ADAMTSL1: variants seen among roughly 807,000 people sequenced by gnomAD.
ADAMTSL1 encodes ADAMTS like 1.
ADAMTSL1 carries 126 observed loss-of-function variants against 201.8 expected under a neutral mutation model. The ratio of observed to expected loss-of-function variants is 0.62; its 90% confidence interval spans 0.54 to 0.72. The LOEUF (loss-of-function observed/expected upper bound fraction) is 0.72. ADAMTSL1 is among the 30% of genes least tolerant of loss of function. The pLI, the probability that ADAMTSL1 is intolerant of heterozygous loss-of-function variation, is 0.00. For missense variants in ADAMTSL1, 2,679 were observed against 2,277.8 expected (o/e 1.18, Z -3.59); for synonymous variants, 1,121 against 903.4 (o/e 1.24, Z -4.32).
At chr9:17,925,733 A>G (rs1308404575) in intron 1 of ADAMTSL1, among the ~76,000 whole-genome samples, 1 of 144,524 alleles carries the variant, frequency 6.9e-6, no homozygotes, top group Non-Finnish European at 1.5e-5. Context: ...GAGGGATAGC[A>G]TTGGGAGATA....
At chr9:18,145,046 C>T (rs1364697898) in intron 1 of ADAMTSL1, among the ~76,000 whole-genome samples, 1 of 152,076 alleles carries the variant, frequency 6.6e-6, no homozygotes, top group Non-Finnish European at 1.5e-5. Context: ...AGGAGATGGC[C>T]TCATTCTAGT....
chr9:17,942,332 A>T (rs931630718), intron 1 of ADAMTSL1, among the ~76,000 whole-genome samples: 1 of 152,206 alleles, frequency 6.6e-6, no homozygotes. Context: ...TCATGAAAGT[A>T]CTGATCAAAT....
chr9:17,937,981 G>C (rs755166925), intron 1 of ADAMTSL1, among the ~76,000 whole-genome samples: 19 of 152,160 alleles, frequency 1.2e-4, no homozygotes, highest in Non-Finnish European at 2.6e-4. Context: ...CTCTTCTCCA[G>C]TGATATCCTG....
intron 1 of ADAMTSL1, among the ~76,000 whole-genome samples, chr9:18,015,327 T>C (rs893151968): frequency 2.0e-5 from 3 of 152,042 alleles, no homozygotes; most frequent in South Asian, 4.1e-4. Flanking sequence ...AGCAGGGAAT[T>C]TACATAAAGA....
chr9:18,095,589 A>C (rs1261955044), intron 1 of ADAMTSL1, among the ~76,000 whole-genome samples: 1 of 151,464 alleles, frequency 6.6e-6, no homozygotes, highest in Non-Finnish European at 1.5e-5. Context: ...CGCCCGGCTA[A>C]TTTTTTGTAT....
At chr9:18,156,793 G>A (rs973159353) in intron 1 of ADAMTSL1, among the ~76,000 whole-genome samples, 2 of 152,000 alleles carry the variant, frequency 1.3e-5, no homozygotes, top group African/African-American at 2.4e-5. Context: ...TCTAAGTGTA[G>A]GTATGAATCA....
chr9:18,410,981 A>G (rs60143892), intron 2 of ADAMTSL1, among the ~76,000 whole-genome samples: 3,058 of 150,380 alleles, frequency 0.02, 109 homozygotes, highest in African/African-American at 0.071. Context: ...ATCTGGGACT[A>G]CAGGCGCACA....
At position 17,920,863 on chromosome 9, in the gene ADAMTSL1, A is replaced by T. The variant is rs575252253; in HGVS notation, c.87+13941A>T. ...AATGATTGTGACTGTGTTCCAATAA[A>T]CTATTTACAAAACCAGGCAAGAGGG... On this transcript the variant is annotated intron_variant, in intron 1 of 29. Coordinates refer to the ADAMTSL1 transcript ENST00000680146. Among the ~76,000 whole-genome samples the T allele has an allele frequency of 2.6e-5, 4 of 152,344 alleles. No individual in the cohort carries two copies. The South Asian group carries it at 8.3e-4, about 32-fold the overall frequency.
chr9:18,813,922 C>A (rs1823671338), intron 20 of ADAMTSL1, among the ~76,000 whole-genome samples: 1 of 152,202 alleles, frequency 6.6e-6, no homozygotes, highest in African/African-American at 2.4e-5. Flanking sequence ...AGTTATTCCC[C>A]ATTCAGTATT....
chr9:18,684,602 C>T (rs1237335647), intron 12 of ADAMTSL1, 114 bp from the exon 13 acceptor site: 17 of 1,192,538 alleles, frequency 1.4e-5, no homozygotes, highest in Non-Finnish European at 5.6e-6. Context: ...TACCCAAAAA[C>T]TTATTCGTGT....
intron 7 of ADAMTSL1, among the ~76,000 whole-genome samples, chr9:18,646,227 G>A (rs1474391818): frequency 6.6e-6 from 1 of 151,906 alleles, no homozygotes; most frequent in African/African-American, 2.4e-5. Context: ...TGTGATTTTT[G>A]TACATTGATT....
At chr9:18,692,626 C>T (rs550914595) in intron 13 of ADAMTSL1, among the ~76,000 whole-genome samples, 3 of 152,244 alleles carry the variant, frequency 2.0e-5, no homozygotes, top group African/African-American at 7.2e-5. Flanking sequence ...CTTTGCCAAA[C>T]ATGTTGAATT....
chr9:18,841,145 C>T (rs560688832), intron 23 of ADAMTSL1, among the ~76,000 whole-genome samples: 2 of 151,602 alleles, frequency 1.3e-5, no homozygotes, highest in South Asian at 2.1e-4. Flanking sequence ...CCAGTTTTTG[C>T]CCATTCAGTA....
At chr9:18,217,935 T>C (rs1830113853) in intron 2 of ADAMTSL1, among the ~76,000 whole-genome samples, 1 of 152,014 alleles carries the variant, frequency 6.6e-6, no homozygotes, top group Admixed American at 6.6e-5. Flanking sequence ...GGTAAGGGTG[T>C]CTAATTGCCA....
At chr9:18,613,119 C>T (rs111736111) in intron 4 of ADAMTSL1, among the ~76,000 whole-genome samples, 7,404 of 152,236 alleles carry the variant, frequency 0.049, 261 homozygotes, top group East Asian at 0.2. Flanking sequence ...AAAAGCTCAA[C>T]ATCACTGATC....
At chr9:18,630,242 A>C (rs1826669303) in intron 5 of ADAMTSL1, among the ~76,000 whole-genome samples, 1 of 152,146 alleles carries the variant, frequency 6.6e-6, no homozygotes, top group Middle Eastern at 3.2e-3. Context: ...TAGACTACTT[A>C]ATGTTCCATG....
chr9:18,446,510 G>A (rs537511519), intron 2 of ADAMTSL1, among the ~76,000 whole-genome samples: 1 of 152,220 alleles, frequency 6.6e-6, no homozygotes, highest in Non-Finnish European at 1.5e-5. Context: ...ATGTCAACCA[G>A]CAAGGATGCC....
At chr9:18,355,919 G>T (rs952738347) in intron 2 of ADAMTSL1, among the ~76,000 whole-genome samples, 4 of 152,200 alleles carry the variant, frequency 2.6e-5, no homozygotes, top group African/African-American at 9.6e-5. Context: ...GCAAGCTGGG[G>T]ACCTGCAGCC....
At chr9:18,219,408 G>A (rs985493474) in intron 2 of ADAMTSL1, among the ~76,000 whole-genome samples, 17 of 150,092 alleles carry the variant, frequency 1.1e-4, no homozygotes, top group Admixed American at 1.1e-3. Flanking sequence ...TTGCTCTGTC[G>A]CCCAGGCTGA....
Sources: gnomAD v4.1 joint callset for allele counts (sites outside exome capture counted in the v4.1 genomes callset) on GRCh38, gnomAD v4.1.1 for gene constraint, MANE v1.5 for transcripts, NCBI Gene and HGNC (gene_info 2026-07-23, HGNC 2026-07-21) for gene names.